SYT2: variants seen among roughly 807,000 people sequenced by gnomAD.
SYT2 encodes the protein synaptotagmin 2, also known as synaptotagmin-2.
A neutral mutation model predicts 39.9 loss-of-function variants in SYT2; 15 were observed. The ratio of observed to expected loss-of-function variants is 0.38; its 90% CI spans 0.25 to 0.58. The LOEUF (loss-of-function observed/expected upper bound fraction) is 0.58, where lower values mean the gene tolerates loss of function less well. Ranked by LOEUF, SYT2 falls within the 20% of genes least tolerant of loss-of-function variation. The probability of loss-of-function intolerance (pLI) is 0.70; values close to 1 mark genes in which losing one functional copy is unlikely to be tolerated. For missense variants in SYT2, 389 were observed against 530.3 expected, an observed-to-expected ratio of 0.73 and a Z score of 2.62; for synonymous variants, 181 against 204.5, an observed-to-expected ratio of 0.89 and a Z score of 0.98.
intron 1 of SYT2, among the ~76,000 whole-genome samples, chr1:202,608,782 G>A (rs1690791868): frequency 6.6e-6 from 1 of 151,878 alleles, no homozygotes; most frequent in Non-Finnish European, 1.5e-5. Flanking sequence ...GGAATTGCTG[G>A]GTCATAACTA....
Position 202,701,336 on chromosome 1 carries a change from G to T in SYT2, c.-18+8922C>A, listed in dbSNP as rs147388519. On this transcript the variant is annotated intron_variant, in intron 1 of 8. Coordinates refer to ENST00000367268, the MANE Select transcript of SYT2 (RefSeq NM_177402.5). ...ATCCCATGGAAAAATGGCTAGTTCAGCCTGCAACTCAAACAGATGCACAGG... is the reference window on the plus strand; with the variant it reads ...ATCCCATGGAAAAATGGCTAGTTCATCCTGCAACTCAAACAGATGCACAGG... Among the ~76,000 whole-genome samples, 127 of 152,310 alleles carry T rather than the reference G, an allele frequency of 8.3e-4. 1 individual carries two copies. The East Asian group carries it at 0.014, about 17-fold the overall frequency.
At chr1:202,678,396 G>T (rs768342899) in intron 1 of SYT2, among the ~76,000 whole-genome samples, 7 of 116,242 alleles carry the variant, frequency 6.0e-5, no homozygotes, top group Admixed American at 1.8e-4. Flanking sequence ...TATGACTGAG[G>T]TAAGATCAGA....
intron 1 of SYT2, among the ~76,000 whole-genome samples, chr1:202,657,176 A>T (rs986847921): frequency 1.3e-5 from 2 of 152,162 alleles, no homozygotes; most frequent in African/African-American, 4.8e-5. Context: ...GGCTGAGCCA[A>T]CCTCATCATG....
intron 1 of SYT2, among the ~76,000 whole-genome samples, chr1:202,678,280 A>AC (rs1236641083): frequency 1.3e-3 from 190 of 145,214 alleles, no homozygotes; most frequent in African/African-American, 4.5e-3. Flanking sequence ...TCTCAAAAAA[A>AC]AAAAAAAAAA....
chr1:202,626,050 A>C (rs193235562), intron 1 of SYT2, among the ~76,000 whole-genome samples: 1 of 152,350 alleles, frequency 6.6e-6, no homozygotes, highest in Admixed American at 6.5e-5. Context: ...GTGCAGGTGC[A>C]TTACACTGCC....
At chr1:202,688,625 G>A (rs1316251785) in intron 1 of SYT2, among the ~76,000 whole-genome samples, 24 of 152,184 alleles carry the variant, frequency 1.6e-4, no homozygotes, top group Admixed American at 1.4e-3. Context: ...CCACGCCTGC[G>A]ATTTTACATG....
At chr1:202,644,023 G>C (rs1487849701) in intron 1 of SYT2, among the ~76,000 whole-genome samples, 1 of 152,184 alleles carries the variant, frequency 6.6e-6, no homozygotes, top group African/African-American at 2.4e-5. Flanking sequence ...CCTGAGTCAA[G>C]GGAGAGAAGG....
chr1:202,630,141 G>C (rs1199980068), intron 1 of SYT2, among the ~76,000 whole-genome samples: 1 of 152,200 alleles, frequency 6.6e-6, no homozygotes, highest in Non-Finnish European at 1.5e-5. Context: ...GCTGGGAGGG[G>C]ACAGGGATCC....
At chr1:202,643,085 G>A (rs953900635) in intron 1 of SYT2, among the ~76,000 whole-genome samples, 1 of 152,232 alleles carries the variant, frequency 6.6e-6, no homozygotes, top group Non-Finnish European at 1.5e-5. Context: ...TTCCCACCGC[G>A]GGCTCAGTCC....
At chr1:202,699,010 CTTTTTTTTT>C (rs5780118) in intron 1 of SYT2, among the ~76,000 whole-genome samples, 1 of 97,942 alleles carries the variant, frequency 1.0e-5, no homozygotes, top group African/African-American at 3.8e-5. Context: ...ACCAAACTGT[CTTTTTTTTT>C]TTTTTTTTTT....
intron 1 of SYT2, among the ~76,000 whole-genome samples, chr1:202,697,858 A>G (rs892765522): frequency 2.0e-5 from 3 of 152,194 alleles, no homozygotes; most frequent in Admixed American, 2.0e-4. Flanking sequence ...AAAATGTTAA[A>G]TTTATAAAAA....
chr1:202,678,203 G>A (rs957113794), intron 1 of SYT2, among the ~76,000 whole-genome samples: 9 of 143,850 alleles, frequency 6.3e-5, no homozygotes, highest in Non-Finnish European at 1.0e-4. Flanking sequence ...GAACCTGGAA[G>A]GCAGAGGTTG....
chr1:202,598,716 C>T (rs1227598570), intron 8 of SYT2, among the ~76,000 whole-genome samples: 1 of 152,164 alleles, frequency 6.6e-6, no homozygotes, highest in Non-Finnish European at 1.5e-5. Context: ...TCATCTCCAA[C>T]ATTTACAGAA....
intron 1 of SYT2, among the ~76,000 whole-genome samples, chr1:202,661,499 G>A (rs753280169): frequency 2.0e-5 from 3 of 152,144 alleles, no homozygotes; most frequent in Non-Finnish European, 2.9e-5. Flanking sequence ...ATGTGAGGAC[G>A]GGCTAATCCC....
In SYT2 at chr1:202,681,052, AGTGAGGT is replaced by A. The variant is rs557240966; in HGVS notation, c.-18+29199_-18+29205del. 2.9e-3 allele frequency among the ~76,000 whole-genome samples: 448 copies of A among 152,238 alleles called. 1 individual carries two copies. The highest frequency in any genetic ancestry group is 0.01 in the African/African-American group (435 of 41,540). ...TCAAATGCAGTCCAGCTAATGCCTC[AGTGAGGT>A]GTTAGATCACTCCAAATGGCCAGAT... On this transcript the variant is annotated intron_variant, in intron 1 of 8. Transcript: ENST00000367268.
intron 1 of SYT2, chr1:202,636,283 G>A: frequency 1.3e-6 from 1 of 775,396 alleles, no homozygotes; most frequent in African/African-American, 1.9e-5. Context: ...CAGAGTCCAA[G>A]TGGCCTCACT....
chr1:202,665,108 C>T (rs1173066224), intron 1 of SYT2, among the ~76,000 whole-genome samples: 3 of 152,118 alleles, frequency 2.0e-5, no homozygotes, highest in Non-Finnish European at 4.4e-5. Context: ...GTATATTCTG[C>T]TCTTACTCTT....
At position 202,604,518 on chromosome 1, in the gene SYT2, G is replaced by C. The variant is rs753769780; in HGVS notation, c.282C>G (p.Asn94Lys). The C allele has an allele frequency of 7.4e-6, 12 of 1,613,986 alleles. No individual in the cohort carries two copies. Among genetic ancestry groups the C allele is most frequent in the East Asian group, 2.2e-5 (1 of 44,870 alleles). The change falls in exon 3 of 9, where the codon AAC becomes AAG. Residue 94 changes from asparagine (N) to lysine (K), a missense_variant. This residue lies in a region of SYT2 where 280 missense variants were observed against 335.6 expected (regional missense o/e 0.83). Coordinates refer to ENST00000367268, the MANE Select transcript of SYT2 (RefSeq NM_177402.5). The stretch of plus-strand genomic sequence containing the variant: ...TCATGCCTTTGCCCTTCTCCTTCTT[G>C]TTCTTCTTCTTCTTGCAGCAGCATT... The part of the protein sequence containing the change: ...CKKCCCKKKK[N>K]KKEKGKGMKN...
chr1:202,696,854 G>C (rs778420689), intron 1 of SYT2, among the ~76,000 whole-genome samples: 1 of 152,246 alleles, frequency 6.6e-6, no homozygotes, highest in Non-Finnish European at 1.5e-5. Context: ...GAAGCAGGGG[G>C]ATCAGGTGAG....
Sources: gnomAD v4.1 joint callset for allele counts (sites outside exome capture counted in the v4.1 genomes callset) on GRCh38, gnomAD v4.1.1 for gene constraint, gnomAD v4.1.1 regional missense constraint, MANE v1.5 for transcripts, NCBI Gene and HGNC (gene_info 2026-07-23, HGNC 2026-07-21) for gene names.